TMEM117: variants seen among roughly 807,000 people sequenced by gnomAD.
The protein encoded by TMEM117 is transmembrane protein 117.
A neutral mutation model predicts 52.4 loss-of-function variants in TMEM117; 27 were observed. The ratio of observed to expected loss-of-function variants is 0.51; its 90% CI spans 0.38 to 0.71. TMEM117 has a LOEUF of 0.71. TMEM117 is among the 30% of genes least tolerant of loss of function. The pLI is 0.00. For missense variants in TMEM117, 556 were observed against 630.5 expected (o/e 0.88, Z 1.26); for synonymous variants, 215 against 206.3 (o/e 1.04, Z -0.36).
rs139493783 is a variant in TMEM117, at chr12:44,229,339, G to T, written c.608+17952G>T. Among the ~76,000 whole-genome samples the T allele has an allele frequency of 8.5e-5, 13 of 152,200 alleles. No homozygotes were observed. The East Asian group carries it at 1.2e-3, about 14-fold the overall frequency. ...GAAATGTTACATGTTAGATTGAGAT[G>T]CCTATTAAACATCATGTTAGAGATA... On this transcript the variant is annotated intron_variant, in intron 5 of 7. Transcript: ENST00000266534.
At chr12:44,397,291 G>A in the TMEM117 span, among the ~76,000 whole-genome samples, 1 of 152,184 alleles carries the variant, frequency 6.6e-6, no homozygotes, top group Non-Finnish European at 1.5e-5. Flanking sequence ...AATTGACTGT[G>A]ATTGATGGGA....
chr12:44,175,059 G>C (rs1350911216), intron 4 of TMEM117, among the ~76,000 whole-genome samples: 1 of 152,166 alleles, frequency 6.6e-6, no homozygotes, highest in Non-Finnish European at 1.5e-5. Flanking sequence ...TGAAGGACCA[G>C]GCTTTACAGA....
At chr12:44,130,969 C>G (rs1389815894) in intron 3 of TMEM117, among the ~76,000 whole-genome samples, 1 of 151,982 alleles carries the variant, frequency 6.6e-6, no homozygotes, top group African/African-American at 2.4e-5. Flanking sequence ...TTTCATAGGA[C>G]TAGCTGTGTT....
intron 2 of TMEM117, among the ~76,000 whole-genome samples, chr12:43,902,706 C>T (rs1162501166): frequency 7.2e-5 from 11 of 152,076 alleles, no homozygotes; most frequent in African/African-American, 9.7e-5. Flanking sequence ...GGAGCCAGTC[C>T]TAGATTCAGT....
intron 2 of TMEM117, among the ~76,000 whole-genome samples, chr12:43,866,440 C>T (rs1022331745): frequency 2.7e-5 from 4 of 149,130 alleles, no homozygotes; most frequent in South Asian, 2.1e-4. Context: ...TTATGTGAAG[C>T]GGTGCACACC....
intron 3 of TMEM117, among the ~76,000 whole-genome samples, chr12:43,990,809 A>G (rs1269400261): frequency 2.6e-5 from 4 of 152,220 alleles, no homozygotes; most frequent in Non-Finnish European, 4.4e-5. Context: ...TAATATTAGA[A>G]AAGCAATAAA....
chr12:44,268,360 T>G (rs764917978), intron 5 of TMEM117, among the ~76,000 whole-genome samples: 1 of 152,006 alleles, frequency 6.6e-6, no homozygotes, highest in Non-Finnish European at 1.5e-5. Flanking sequence ...CCCAGGCTGG[T>G]CTCGAACTCC....
intron 3 of TMEM117, among the ~76,000 whole-genome samples, chr12:43,992,106 T>C (rs1945952171): frequency 6.6e-6 from 1 of 151,146 alleles, no homozygotes; most frequent in Non-Finnish European, 1.5e-5. Flanking sequence ...GAGGTTGCAG[T>C]GAGGTAAGAT....
intron 3 of TMEM117, among the ~76,000 whole-genome samples, chr12:44,124,650 A>G (rs1178012509): frequency 6.6e-6 from 1 of 152,202 alleles, no homozygotes; most frequent in Non-Finnish European, 1.5e-5. Flanking sequence ...TTCTGCATCT[A>G]TTGAGATAAT....
intron 3 of TMEM117, among the ~76,000 whole-genome samples, chr12:44,035,249 C>T (rs982815277): frequency 6.6e-6 from 1 of 152,160 alleles, no homozygotes; most frequent in African/African-American, 2.4e-5. Flanking sequence ...AATGAAACAA[C>T]CTTGTAGACA....
chr12:43,859,582 C>T (rs1223512028), intron 2 of TMEM117, among the ~76,000 whole-genome samples: 2 of 131,748 alleles, frequency 1.5e-5, no homozygotes, highest in Non-Finnish European at 3.7e-5. Flanking sequence ...AAAACAGTAT[C>T]ATAGGAAAAT....
chr12:44,068,694 A>G (rs1311447426), intron 3 of TMEM117, among the ~76,000 whole-genome samples: 1 of 152,220 alleles, frequency 6.6e-6, no homozygotes, highest in African/African-American at 2.4e-5. Flanking sequence ...ACAGATTACT[A>G]TAACAGATAT....
At chr12:43,872,984 G>T (rs1943732386) in intron 2 of TMEM117, among the ~76,000 whole-genome samples, 1 of 152,154 alleles carries the variant, frequency 6.6e-6, no homozygotes, top group Non-Finnish European at 1.5e-5. Flanking sequence ...ACTCTAAAAT[G>T]TAGGGGCAAT....
rs1644015 is a variant in TMEM117, at chr12:44,241,019, C to A, written c.608+29632C>A. Among the ~76,000 whole-genome samples, 927 of 152,014 alleles carry A rather than the reference C, an allele frequency of 6.1e-3. 9 individuals are homozygous for A. Among genetic ancestry groups the A allele is most frequent in the African/African-American group, 0.022 (899 of 41,502 alleles). On this transcript the variant is annotated intron_variant, in intron 5 of 7. Transcript: ENST00000266534. Reference sequence around the variant, plus strand: ...TTATCCGTGTGAATTGGTTTCAGAGCCCTTGTGGATACCAAAATCCATGAA... The same window carrying A: ...TTATCCGTGTGAATTGGTTTCAGAGACCTTGTGGATACCAAAATCCATGAA...
intron 5 of TMEM117, among the ~76,000 whole-genome samples, chr12:44,227,336 T>C (rs1026083899): frequency 6.6e-6 from 1 of 152,106 alleles, no homozygotes; most frequent in African/African-American, 2.4e-5. Context: ...TGGTGGCATG[T>C]ACCTGTAGTC....
chr12:43,845,460 CAAAAAAAAAAAAAA>C (rs10677136), intron 2 of TMEM117, among the ~76,000 whole-genome samples: 1 of 37,996 alleles, frequency 2.6e-5, no homozygotes, highest in African/African-American at 1.0e-4. Flanking sequence ...GACTCCATCT[CAAAAAAAAAAAAAA>C]AAAAAAAAAG....
intron 5 of TMEM117, among the ~76,000 whole-genome samples, chr12:44,229,379 T>C (rs1285642428): frequency 6.6e-6 from 1 of 152,136 alleles, no homozygotes. Context: ...TGAAGTGTCC[T>C]AGCTTAGTTA....
At chr12:43,800,572 A>C in the TMEM117 span, 4 of 1,477,380 alleles carry the variant, frequency 2.7e-6, no homozygotes, top group Non-Finnish European at 2.8e-6. Context: ...AGATGAAAAC[A>C]TAACATTACA....
intron 4 of TMEM117, among the ~76,000 whole-genome samples, chr12:44,205,575 T>C (rs550870655): frequency 2.6e-5 from 4 of 152,054 alleles, no homozygotes; most frequent in South Asian, 2.1e-4. Context: ...AAAACAAATA[T>C]ATAATCTCAT....
Sources: gnomAD v4.1 joint callset for allele counts (sites outside exome capture counted in the v4.1 genomes callset) on GRCh38, gnomAD v4.1.1 for gene constraint, MANE v1.5 for transcripts, NCBI Gene and HGNC (gene_info 2026-07-23, HGNC 2026-07-21) for gene names.